RGS6: variants seen among roughly 807,000 people sequenced by gnomAD.
RGS6 encodes the protein regulator of G-protein signaling 6.
In RGS6, 30 loss-of-function variants were observed where a neutral mutation model predicts 78.5. That is an observed-to-expected ratio of 0.38 (90% CI 0.29 to 0.52). RGS6 has a LOEUF of 0.52. Ranked by LOEUF, RGS6 falls within the 20% of genes least tolerant of loss-of-function variation. RGS6 has a pLI of 0.85. For synonymous variants in RGS6, 206 were observed against 206.0 expected, an observed-to-expected ratio of 1.00 and a Z score of 0.00; for missense variants, 495 against 609.7, an observed-to-expected ratio of 0.81 and a Z score of 1.98.
intron 2 of RGS6, among the ~76,000 whole-genome samples, chr14:72,091,349 A>G (rs1041279777): frequency 2.6e-5 from 4 of 152,318 alleles, no homozygotes; most frequent in Non-Finnish European, 5.9e-5. Flanking sequence ...TCCTCACGTG[A>G]AGAGAGCATT....
downstream of RGS6, among the ~76,000 whole-genome samples, chr14:72,570,611 A>G (rs1236695512): frequency 6.6e-6 from 1 of 152,258 alleles, no homozygotes; most frequent in African/African-American, 2.4e-5. Flanking sequence ...GAGTTCTCCC[A>G]TGCCTTCTCC....
intron 3 of RGS6, among the ~76,000 whole-genome samples, chr14:72,378,444 T>A (rs1406715692): frequency 6.6e-6 from 1 of 151,628 alleles, no homozygotes; most frequent in Admixed American, 6.6e-5. Context: ...AAAACAAAAT[T>A]TTAAAAACCT....
chr14:72,271,374 C>T (rs867702188), intron 2 of RGS6, among the ~76,000 whole-genome samples: 8 of 152,164 alleles, frequency 5.3e-5, no homozygotes, highest in African/African-American at 9.7e-5. Flanking sequence ...GAGACTTATT[C>T]GCTACCATGA....
intron 2 of RGS6, among the ~76,000 whole-genome samples, chr14:72,305,755 C>T (rs1266410435): frequency 6.6e-6 from 1 of 152,162 alleles, no homozygotes. Flanking sequence ...CATAACCCTA[C>T]AATGGCTTCT....
chr14:72,499,840 G>A (rs1303961064), intron 13 of RGS6, among the ~76,000 whole-genome samples: 1 of 152,052 alleles, frequency 6.6e-6, no homozygotes, highest in Non-Finnish European at 1.5e-5. Flanking sequence ...AATCTAGAGT[G>A]GCCACCTCAT....
chr14:72,594,869 T>TGAA, the RGS6 span: 1 of 152,116 alleles, frequency 6.6e-6, no homozygotes, highest in South Asian at 2.1e-4. Context: ...GGGTGACTTG[T>TGAA]GAAGGCCACT....
At chr14:72,412,234 T>G (rs2093472574) in intron 3 of RGS6, among the ~76,000 whole-genome samples, 3 of 152,206 alleles carry the variant, frequency 2.0e-5, no homozygotes, top group South Asian at 2.1e-4. Flanking sequence ...AATTATTGCC[T>G]CAATTTGAGA....
At chr14:72,418,232 T>C (rs890564295) in intron 3 of RGS6, among the ~76,000 whole-genome samples, 1 of 151,946 alleles carries the variant, frequency 6.6e-6, no homozygotes, top group Non-Finnish European at 1.5e-5. Context: ...AATGGCATGA[T>C]CTCAACTCAC....
intron 2 of RGS6, among the ~76,000 whole-genome samples, chr14:72,319,418 C>T (rs370148428): frequency 1.7e-4 from 25 of 150,514 alleles, no homozygotes; most frequent in African/African-American, 4.4e-4. Context: ...GACGTGATCT[C>T]GGCTCACTGC....
At chr14:72,572,419 T>C in the RGS6 span, among the ~76,000 whole-genome samples, 1 of 152,180 alleles carries the variant, frequency 6.6e-6, no homozygotes, top group Non-Finnish European at 1.5e-5. Flanking sequence ...GGTAAATGGG[T>C]TAAACAAAAT....
At chr14:72,476,157 T>A (rs1039092098) in intron 10 of RGS6, among the ~76,000 whole-genome samples, 3 of 152,214 alleles carry the variant, frequency 2.0e-5, no homozygotes, top group Non-Finnish European at 4.4e-5. Context: ...TAAATGTAGC[T>A]ATAGCTACGG....
chr14:72,174,808 G>A (rs901613085), intron 2 of RGS6, among the ~76,000 whole-genome samples: 1 of 152,192 alleles, frequency 6.6e-6, no homozygotes, highest in Non-Finnish European at 1.5e-5. Context: ...GTCTGAGGTC[G>A]CAGTGATGTC....
chr14:72,070,800 C>T (rs538174558), intron 2 of RGS6, among the ~76,000 whole-genome samples: 38 of 152,236 alleles, frequency 2.5e-4, no homozygotes, highest in African/African-American at 8.9e-4. Context: ...AACAAGTGGC[C>T]CAAGGCAAAA....
At chr14:72,472,304 T>C (rs1173509824) in intron 8 of RGS6, among the ~76,000 whole-genome samples, 1 of 152,218 alleles carries the variant, frequency 6.6e-6, no homozygotes, top group East Asian at 1.9e-4. Context: ...CCAGTGATAT[T>C]TGCCTCCTGG....
intron 2 of RGS6, among the ~76,000 whole-genome samples, chr14:72,026,410 A>G (rs2089864234): frequency 6.6e-6 from 1 of 152,138 alleles, no homozygotes; most frequent in Non-Finnish European, 1.5e-5. Context: ...CCATCTCAAA[A>G]AGAAAAAAAA....
At chr14:72,382,334 A>G (rs952090978) in intron 3 of RGS6, among the ~76,000 whole-genome samples, 9 of 152,210 alleles carry the variant, frequency 5.9e-5, no homozygotes, top group Admixed American at 2.0e-4. Context: ...CAATAAGCAT[A>G]CAACAGTTGC....
chr14:72,408,922 A>G (rs574341526), intron 3 of RGS6, among the ~76,000 whole-genome samples: 4 of 152,330 alleles, frequency 2.6e-5, no homozygotes, highest in South Asian at 2.1e-4. Context: ...TTTGGGTTCC[A>G]TCTTAATACA....
chr14:72,018,605 T>G (rs1394437991), intron 2 of RGS6, among the ~76,000 whole-genome samples: 1 of 152,238 alleles, frequency 6.6e-6, no homozygotes, highest in African/African-American at 2.4e-5. Flanking sequence ...TTCTCCTCCC[T>G]TGGAGACAGA....
intron 17 of RGS6, among the ~76,000 whole-genome samples, chr14:72,549,610 C>T (rs1243353290): frequency 1.3e-5 from 2 of 152,156 alleles, no homozygotes; most frequent in African/African-American, 2.4e-5. Flanking sequence ...ATCTGTAATC[C>T]GAGCACTTTG....
Sources: gnomAD v4.1 joint callset for allele counts (sites outside exome capture counted in the v4.1 genomes callset) on GRCh38, gnomAD v4.1.1 for gene constraint, MANE v1.5 for transcripts, NCBI Gene and HGNC (gene_info 2026-07-23, HGNC 2026-07-21) for gene names.